The following CLIC4 variants were observed in gnomAD, a reference collection of about 807,000 sequenced individuals.
CLIC4 encodes the protein chloride intracellular channel protein 4.
In CLIC4, 13 loss-of-function variants were observed where a neutral mutation model predicts 24.6. The observed-to-expected ratio is 0.53, with a 90% CI of 0.34 to 0.84. The LOEUF is 0.84. Ranked by LOEUF, CLIC4 falls within the 40% of genes least tolerant of loss-of-function variation. The probability of loss-of-function intolerance (pLI) is 0.01; values close to 1 mark genes in which losing one functional copy is unlikely to be tolerated. For missense variants in CLIC4, 227 were observed against 301.7 expected (o/e 0.75, Z 1.83); for synonymous variants, 104 against 111.3 (o/e 0.93, Z 0.41).
chr1:24,800,630 AAAGGTGGGG>A (rs1463031123), intron 2 of CLIC4, among the ~76,000 whole-genome samples: 1 of 152,178 alleles, frequency 6.6e-6, no homozygotes, highest in Non-Finnish European at 1.5e-5. Context: ...GAAAGGCGGG[AAAGGTGGGG>A]AGAAGATTGA....
chr1:24,760,387 G>T (rs549069765), intron 1 of CLIC4, among the ~76,000 whole-genome samples: 90 of 152,066 alleles, frequency 5.9e-4, no homozygotes, highest in Non-Finnish European at 1.2e-4. Context: ...AAAAAGAAAA[G>T]AAAATCTTAA....
chr1:24,762,484 G>A (rs1415057519), intron 1 of CLIC4, among the ~76,000 whole-genome samples: 2 of 152,154 alleles, frequency 1.3e-5, no homozygotes. Flanking sequence ...ATGCCTAGAA[G>A]CAAGTTCTGA....
chr1:24,782,682 A>T (rs934190773), intron 1 of CLIC4, among the ~76,000 whole-genome samples: 1 of 152,176 alleles, frequency 6.6e-6, no homozygotes, highest in African/African-American at 2.4e-5. Context: ...TCATACTTAC[A>T]GACAAGTTAC....
At chr1:24,798,559 A>C (rs564086719) in intron 2 of CLIC4, among the ~76,000 whole-genome samples, 1 of 152,306 alleles carries the variant, frequency 6.6e-6, no homozygotes, top group African/African-American at 2.4e-5. Context: ...AACAGGTCTG[A>C]GGTGAAGAAC....
At chr1:24,759,983 A>G (rs1474512062) in intron 1 of CLIC4, among the ~76,000 whole-genome samples, 1 of 152,040 alleles carries the variant, frequency 6.6e-6, no homozygotes, top group African/African-American at 2.4e-5. Context: ...AACCAAAACA[A>G]ACTTTTATCT....
chr1:24,788,445 T>C (rs532313961), intron 1 of CLIC4, among the ~76,000 whole-genome samples: 41 of 152,308 alleles, frequency 2.7e-4, no homozygotes, highest in African/African-American at 8.9e-4. Context: ...AATGGTATCA[T>C]ATTCAGTTGT....
intron 1 of CLIC4, among the ~76,000 whole-genome samples, chr1:24,768,689 G>C (rs1278256641): frequency 6.6e-6 from 1 of 152,114 alleles, no homozygotes; most frequent in Admixed American, 6.5e-5. Flanking sequence ...GAGGCGGTCA[G>C]TCAGGAGTTC....
chr1:24,825,991 A>G (rs1204846528), intron 3 of CLIC4, among the ~76,000 whole-genome samples: 2 of 152,226 alleles, frequency 1.3e-5, no homozygotes, highest in African/African-American at 4.8e-5. Context: ...AAGAATCTGA[A>G]TTCTTCTAGC....
At chr1:24,802,485 A>G (rs148663943) in intron 2 of CLIC4, among the ~76,000 whole-genome samples, 38 of 152,248 alleles carry the variant, frequency 2.5e-4, no homozygotes, top group African/African-American at 7.2e-4. Flanking sequence ...TGTAAAATCA[A>G]TGGTAGAGAG....
intron 1 of CLIC4, among the ~76,000 whole-genome samples, chr1:24,763,533 CAAAAA>C (rs33955013): frequency 6.3e-5 from 5 of 78,956 alleles, no homozygotes; most frequent in Non-Finnish European, 1.1e-4. Context: ...ACTCCGTCTC[CAAAAA>C]AAAAAAAAAA....
intron 1 of CLIC4, among the ~76,000 whole-genome samples, chr1:24,790,072 A>T (rs906976657): frequency 2.6e-5 from 4 of 151,964 alleles, no homozygotes; most frequent in Non-Finnish European, 5.9e-5. Flanking sequence ...TTATTTTTTT[A>T]TTTTTATTTT....
chr1:24,799,018 G>C (rs1425974100), intron 2 of CLIC4, among the ~76,000 whole-genome samples: 1 of 152,242 alleles, frequency 6.6e-6, no homozygotes, highest in African/African-American at 2.4e-5. Context: ...CCAGCCGTCT[G>C]CCTTGGCCTC....
chr1:24,781,238 G>A (rs1323478192), intron 1 of CLIC4, among the ~76,000 whole-genome samples: 15 of 147,756 alleles, frequency 1.0e-4, no homozygotes, highest in Non-Finnish European at 1.6e-4. Flanking sequence ...TGGTTCAAGC[G>A]ATTATCCTGC....
At chr1:24,780,203 A>G (rs1639186700) in intron 1 of CLIC4, among the ~76,000 whole-genome samples, 2 of 152,196 alleles carry the variant, frequency 1.3e-5, no homozygotes, top group African/African-American at 2.4e-5. Context: ...CTTCCCAACC[A>G]TTATGTGTAC....
At chr1:24,756,687 C>T (rs1405847289) in intron 1 of CLIC4, among the ~76,000 whole-genome samples, 1 of 151,928 alleles carries the variant, frequency 6.6e-6, no homozygotes, top group Non-Finnish European at 1.5e-5. Flanking sequence ...TTGAAGAATA[C>T]AAAACCAAAC....
chr1:24,772,272 G>T (rs1360189557), intron 1 of CLIC4, among the ~76,000 whole-genome samples: 2 of 151,770 alleles, frequency 1.3e-5, no homozygotes, highest in Non-Finnish European at 2.9e-5. Context: ...TTTAAAGCCA[G>T]TCAAATTTAT....
intron 3 of CLIC4, among the ~76,000 whole-genome samples, chr1:24,825,622 G>T (rs1639780124): frequency 6.6e-6 from 1 of 152,014 alleles, no homozygotes; most frequent in African/African-American, 2.4e-5. Context: ...TAGAGACTAG[G>T]TACACTTATT....
chr1:24,756,534 T>TA (rs1638852185), intron 1 of CLIC4, among the ~76,000 whole-genome samples: 1 of 152,216 alleles, frequency 6.6e-6, no homozygotes, highest in Non-Finnish European at 1.5e-5. Context: ...AACTCATTCT[T>TA]ATGAAAAGAT....
chr1:24,762,511 AGGGGTTGGGTAAT>A (rs1358015274), intron 1 of CLIC4, among the ~76,000 whole-genome samples: 4 of 152,282 alleles, frequency 2.6e-5, no homozygotes, highest in South Asian at 2.1e-4. Flanking sequence ...CTAAACACTT[AGGGGTTGGGTAAT>A]GGAGGAGAAG....
Sources: allele counts gnomAD v4.1 joint callset (sites outside exome capture counted in the v4.1 genomes callset), GRCh38; gene constraint gnomAD v4.1.1; transcripts MANE v1.5; gene names NCBI Gene and HGNC (gene_info 2026-07-23, HGNC 2026-07-21).